NCBP1: variants seen among roughly 807,000 people sequenced by gnomAD.
The protein encoded by NCBP1 is nuclear cap-binding protein subunit 1.
NCBP1 carries 16 observed loss-of-function variants against 111.7 expected under a neutral mutation model. The observed-to-expected ratio is 0.14, with a 90% CI of 0.10 to 0.22. The LOEUF (loss-of-function observed/expected upper bound fraction) is 0.22. Among genes scored for constraint, NCBP1 ranks in the 10% least tolerant of loss-of-function variants. NCBP1 has a pLI of 1.00. For missense variants in NCBP1, 607 were observed against 957.5 expected, an observed-to-expected ratio of 0.63 and a Z score of 4.83; for synonymous variants, 304 against 314.3, an observed-to-expected ratio of 0.97 and a Z score of 0.35.
chr9:97,668,998 A>C, intron 21 of NCBP1, 24 bp downstream of exon 21: 1 of 1,579,080 alleles, frequency 6.3e-7, no homozygotes, highest in Non-Finnish European at 8.6e-7. Flanking sequence ...GGACATTTAT[A>C]CATAAAAGGA....
intron 8 of NCBP1, among the ~76,000 whole-genome samples, chr9:97,650,044 A>G (rs1827457251): frequency 6.6e-6 from 1 of 152,200 alleles, no homozygotes; most frequent in South Asian, 2.1e-4. Context: ...TAAGAATAAA[A>G]TAATGCCATG....
At chr9:97,645,063 T>A in intron 4 of NCBP1, 54 bp from the exon 5 acceptor site, 1 of 1,310,878 alleles carries the variant, frequency 7.6e-7, no homozygotes, top group Non-Finnish European at 1.1e-6. Context: ...GCTTATTTTG[T>A]AGTTATTATA....
intron 2 of NCBP1, 123 bp downstream of exon 2, chr9:97,641,005 G>C: frequency 1.6e-6 from 1 of 637,952 alleles, no homozygotes; most frequent in Non-Finnish European, 2.7e-6. Context: ...CCATGCATCT[G>C]TATCCCAAAT....
intron 4 of NCBP1, among the ~76,000 whole-genome samples, chr9:97,644,564 T>G (rs984880237): frequency 6.6e-6 from 1 of 152,200 alleles, no homozygotes; most frequent in African/African-American, 2.4e-5. Context: ...CCCCTAACAG[T>G]GACTTTTAGT....
intron 21 of NCBP1, 70 bp from the exon 22 acceptor site, chr9:97,669,523 T>C: frequency 9.5e-7 from 1 of 1,057,198 alleles, no homozygotes; most frequent in South Asian, 1.3e-5. Context: ...GGGGTTTCTT[T>C]GTCATGAATT....
At chr9:97,648,349 G>A (rs2131341380) in intron 8 of NCBP1, 126 bp downstream of exon 8, 1 of 780,928 alleles carries the variant, frequency 1.3e-6, no homozygotes, top group Non-Finnish European at 2.0e-6. Context: ...AAGGTCAGTA[G>A]CAATGAAGTT....
intron 5 of NCBP1, 21 bp downstream of exon 5, chr9:97,645,245 G>T: frequency 6.5e-7 from 1 of 1,532,826 alleles, no homozygotes; most frequent in Non-Finnish European, 9.0e-7. Context: ...CCCTCATGCT[G>T]AATCTTGAGG....
At chr9:97,653,746 G>C in intron 10 of NCBP1, 52 bp from the exon 11 acceptor site, 2 of 1,367,906 alleles carry the variant, frequency 1.5e-6, no homozygotes, top group Non-Finnish European at 2.1e-6. Context: ...CTTTCTAATA[G>C]AAGTGCAAAG....
chr9:97,646,729 C>T (rs1051663631), intron 6 of NCBP1, among the ~76,000 whole-genome samples: 3 of 149,496 alleles, frequency 2.0e-5, no homozygotes, highest in East Asian at 2.0e-4. Context: ...CCCAGCTACT[C>T]GGGAGGCTGA....
At chr9:97,668,251 TG>T (rs899272013) in intron 20 of NCBP1, among the ~76,000 whole-genome samples, 10 of 152,182 alleles carry the variant, frequency 6.6e-5, no homozygotes, top group Admixed American at 2.0e-4. Context: ...CTCTGTAAAA[TG>T]GAAATAAACC....
At chr9:97,647,644 C>A in intron 7 of NCBP1, 83 bp downstream of exon 7, 1 of 1,164,984 alleles carries the variant, frequency 8.6e-7, no homozygotes, top group Non-Finnish European at 1.3e-6. Context: ...TCAGACCATT[C>A]CATTTTACCC....
At chr9:97,645,397 C>T (rs1304759278) in intron 5 of NCBP1, among the ~76,000 whole-genome samples, 173 bp downstream of exon 5, 1 of 152,106 alleles carries the variant, frequency 6.6e-6, no homozygotes, top group African/African-American at 2.4e-5. Flanking sequence ...AGCTGACTGG[C>T]ACACTGGTGG....
chr9:97,653,659 A>C, intron 10 of NCBP1, 139 bp from the exon 11 acceptor site: 1 of 599,032 alleles, frequency 1.7e-6, no homozygotes, highest in East Asian at 3.0e-5. Context: ...GAAAGAGCAT[A>C]ATTTTAAATA....
At position 97,648,226 on chromosome 9, in the gene NCBP1, A is replaced by G. The variant is rs1827399321; in HGVS notation, c.897+3A>G. On this transcript the variant is annotated splice_donor_region_variant and intron_variant, in intron 8 of 22. Coordinates refer to ENST00000375147, the MANE Select transcript of NCBP1 (RefSeq NM_002486.5). ...TTGATTACACAGATGATCCCGAGGT[A>G]AGTGACCGACTAAAAGTCCTAGATA... 6.2e-7 allele frequency: 1 copy of G among 1,613,696 alleles called. No homozygotes were observed. The highest frequency in any genetic ancestry group is 8.5e-7 in the Non-Finnish European group (1 of 1,179,676).
At chr9:97,638,886 A>G (rs1366958451) in intron 1 of NCBP1, among the ~76,000 whole-genome samples, 1 of 152,194 alleles carries the variant, frequency 6.6e-6, no homozygotes, top group Admixed American at 6.5e-5. Flanking sequence ...GTTGAGAACT[A>G]CTGCTGTAGA....
chr9:97,651,006 A>G (rs1827481851), intron 9 of NCBP1, among the ~76,000 whole-genome samples: 2 of 152,060 alleles, frequency 1.3e-5, no homozygotes, highest in Non-Finnish European at 2.9e-5. Flanking sequence ...GGTGGAAATG[A>G]ATATAGTATT....
intron 15 of NCBP1, 126 bp downstream of exon 15, chr9:97,658,869 A>G: frequency 1.4e-6 from 1 of 732,318 alleles, no homozygotes; most frequent in Non-Finnish European, 2.3e-6. Flanking sequence ...TGTATTTGAA[A>G]GGTGGTCTAT....
At chr9:97,660,247 A>T (rs893407012) in intron 15 of NCBP1, among the ~76,000 whole-genome samples, 4 of 152,178 alleles carry the variant, frequency 2.6e-5, no homozygotes, top group Non-Finnish European at 4.4e-5. Flanking sequence ...CTCATACTCT[A>T]TAACAGGATT....
intron 9 of NCBP1, 43 bp from the exon 10 acceptor site, chr9:97,651,267 G>A (rs370754081): frequency 2.0e-6 from 3 of 1,513,668 alleles, no homozygotes; most frequent in African/African-American, 1.4e-5. Flanking sequence ...GACTTTTCTT[G>A]TGTCTTCGTA....
Sources: gnomAD v4.1 joint callset for allele counts (sites outside exome capture counted in the v4.1 genomes callset) on GRCh38, gnomAD v4.1.1 for gene constraint, MANE v1.5 for transcripts, NCBI Gene and HGNC (gene_info 2026-07-23, HGNC 2026-07-21) for gene names.